PNMA2: variants seen among roughly 807,000 people sequenced by gnomAD.
PNMA2 encodes PNMA family member 2.
For missense variants in PNMA2, 455 were observed against 452.9 expected (o/e 1.00, Z -0.04); for synonymous variants, 175 against 183.5 (o/e 0.95, Z 0.38).
At position 26,508,409 on chromosome 8, in the gene PNMA2, G is replaced by A. The variant is rs768257360; in HGVS notation, c.347C>T (p.Thr116Met). 8.1e-6 allele frequency: 13 copies of A among 1,614,082 alleles called. No homozygotes were observed. In the South Asian group the frequency reaches 1.1e-4, roughly 14 times the overall value. ...LNLFLEKEGQ[T>M]VSGMFRALGQ... ...CAGGGCTCGAAACATACCCGAGACC[G>A]TCTGCCCCTCTTTTTCTAGAAACAG... is the stretch of plus-strand genomic sequence containing the variant. Residue 116 changes from threonine to methionine, a missense_variant, in exon 3 of 3, where the codon ACG becomes ATG. By Grantham distance (81) the Thr-to-Met change is moderately conservative. Coordinates refer to ENST00000522362, the MANE Select transcript of PNMA2 (RefSeq NM_007257.6). The surrounding 1 kb of genome is among the most constrained non-coding windows in gnomAD (Gnocchi z 5.5).
In PNMA2 at chr8:26,504,924, C is replaced by G. The variant is rs762450332; in HGVS notation, c.*2737G>C. The G allele has an allele frequency of 2.6e-5, 4 of 152,184 alleles. No homozygotes were observed. Among genetic ancestry groups the G allele is most frequent in the Admixed American group, 6.5e-5 (1 of 15,272 alleles). The allele number at this position is 152,184 out of a possible 1,614,324, so 9.4% of individuals were successfully genotyped here. A position where few individuals can be genotyped will look rare whatever the true frequency, so the allele number is the denominator to read the frequency against. On this transcript the variant is annotated 3_prime_UTR_variant, in exon 3 of 3. Transcript: ENST00000522362. ...TTAAAAAATGCTTTTCTTACAATCT[C>G]AGGATATTCTTCAGTTAAACTGAAC...
chr8:26,505,855 G>C lies in PNMA2; in HGVS notation c.*1806C>G, dbSNP rs901610157. ...AAAATACAAAAATTAGCTGGGCGTGGTGGTGGGTGCCTGTAATCCCAGCTA... is the reference window on the plus strand; with the variant it reads ...AAAATACAAAAATTAGCTGGGCGTGCTGGTGGGTGCCTGTAATCCCAGCTA... On this transcript the variant is annotated 3_prime_UTR_variant, in exon 3 of 3. Transcript: ENST00000522362. 6.6e-6 allele frequency: 1 copy of C among 152,170 alleles called. No homozygotes were observed. The highest frequency in any genetic ancestry group is 6.5e-5 in the Admixed American group (1 of 15,284). The allele number at this position is 152,170 out of a possible 1,614,324, so 9.4% of individuals were successfully genotyped here. A position where few individuals can be genotyped will look rare whatever the true frequency, so the allele number is the denominator to read the frequency against.
intron 1 of PNMA2, among the ~76,000 whole-genome samples, chr8:26,510,996 AC>A (rs1357120623): frequency 6.6e-6 from 1 of 152,084 alleles, no homozygotes; most frequent in Non-Finnish European, 1.5e-5. Flanking sequence ...TACCAAAAAT[AC>A]AAAAATTATC....
At chr8:26,513,340 C>T (rs188484682) in intron 1 of PNMA2, among the ~76,000 whole-genome samples, 1 of 151,986 alleles carries the variant, frequency 6.6e-6, no homozygotes, top group South Asian at 2.1e-4. Flanking sequence ...CTCTATATTC[C>T]TCTCCCATCT....
chr8:26,508,492 G>C lies in PNMA2; in HGVS notation c.264C>G (p.Val88=), dbSNP rs78228998. ...TAGGGGTCTTAAAGATCACCTTCCA[G>C]ACACCCCCCTTTCCCTGGACCTCAC... The part of the protein sequence containing the change: ...IPSEVQGKGG[V]WKVIFKTPNQ... The change falls in exon 3 of 3, where the codon GTC becomes GTG. Residue 88 remains valine, a synonymous_variant. Coordinates refer to ENST00000522362, the MANE Select transcript of PNMA2 (RefSeq NM_007257.6). This position sits in a 1 kb window ranked among gnomAD's most constrained non-coding sequence, Gnocchi z 5.5. The C allele has an allele frequency of 4.2e-5, 67 of 1,614,182 alleles. No homozygotes were observed. The African/African-American group carries it at 8.3e-4, about 20-fold the overall frequency.
In PNMA2 at chr8:26,507,826, G is replaced by T; in HGVS notation, c.930C>A (p.Cys310Ter). 1.2e-6 allele frequency: 2 copies of T among 1,613,688 alleles called. No individual in the cohort carries two copies. The highest frequency in any genetic ancestry group is 3.3e-4 in the Middle Eastern group (2 of 6,056). ...AGATLNQMLWCRLRELKDQGP... is the reference protein window; with the variant it reads ...AGATLNQMLW ...CCTGATCCTTCAGCTCCCTAAGCCG[G>T]CACCACAGCATCTGGTTAAGAGTGG... Residue 310 changes from cysteine to a stop codon, truncating the protein, a stop_gained, in exon 3 of 3, where the codon TGC (cysteine) becomes TGA (stop). Transcript: ENST00000522362. LOFTEE classifies it low-confidence loss of function (END_TRUNC).
chr8:26,510,191 G>T (rs1428560337), intron 1 of PNMA2, among the ~76,000 whole-genome samples: 2 of 152,044 alleles, frequency 1.3e-5, no homozygotes, highest in African/African-American at 4.8e-5. Flanking sequence ...AAAACAGACT[G>T]CCACCTCCCT....
rs1294797021 is a variant in PNMA2 at position 26,508,102 on chromosome 8, C to CATG, written c.651_653dup (p.Leu217_Met218insIle). 3.7e-6 allele frequency: 6 copies of CATG among 1,614,154 alleles called. No homozygotes were observed. In the African/African-American group the frequency reaches 8.0e-5, roughly 22 times the overall value. ...ACGGGTTGTCTGCCTGCACTATGTGCATGAGGTCCAGGGCAGGGCCCCGCA... is the reference window on the plus strand; with the variant it reads ...ACGGGTTGTCTGCCTGCACTATGTGCATGATGAGGTCCAGGGCAGGGCCCCGCA... On this transcript the variant is annotated inframe_insertion, in exon 3 of 3. Transcript: ENST00000522362. This position sits in a 1 kb window ranked among gnomAD's most constrained non-coding sequence, Gnocchi z 5.5.
In PNMA2 at chr8:26,508,161, C is replaced by CTGTT; in HGVS notation, c.591_594dup (p.Glu199AsnfsTer41). 1 of 1,614,224 alleles carries CTGTT rather than the reference C, an allele frequency of 6.2e-7. No individual in the cohort carries two copies. Among genetic ancestry groups the CTGTT allele is most frequent in the Non-Finnish European group, 8.5e-7 (1 of 1,180,036 alleles). The stretch of plus-strand genomic sequence containing the variant: ...GCCAGCCACCTTTTCTTTTCTGCCT[C>CTGTT]TGTTACTGGCCACTCTTTGACTATC... On this transcript the variant is annotated frameshift_variant, in exon 3 of 3. Transcript: ENST00000522362. LOFTEE classifies it low-confidence loss of function (END_TRUNC). The surrounding 1 kb of genome is among the most constrained non-coding windows in gnomAD (Gnocchi z 5.5).
intron 1 of PNMA2, chr8:26,511,833 T>TTA (rs1808160989): frequency 6.6e-6 from 1 of 152,074 alleles, no homozygotes; most frequent in East Asian, 1.9e-4. Flanking sequence ...ACTGGGATAT[T>TTA]TAGAGGAAAC....
chr8:26,511,022 C>T (rs563171784), intron 1 of PNMA2, among the ~76,000 whole-genome samples: 4 of 152,108 alleles, frequency 2.6e-5, no homozygotes, highest in East Asian at 3.9e-4. Flanking sequence ...TGTGGTGGCA[C>T]GTGCCTGTAA....
chr8:26,508,711 C>T lies in PNMA2; in HGVS notation c.45G>A (p.Val15=), dbSNP rs1333638755. ...TAACCATCAGTGACTTCTGCTCATC[C>T]ACACTCATTATCCTGCACCAGTCCT... ...LLEDWCRIMS[V]DEQKSLMVTG... is the part of the protein sequence containing the mutation. Residue 15 remains valine (V), a synonymous_variant, in exon 3 of 3, where the codon GTG becomes GTA. Coordinates refer to ENST00000522362, the MANE Select transcript of PNMA2 (RefSeq NM_007257.6). The surrounding 1 kb of genome is among the most constrained non-coding windows in gnomAD (Gnocchi z 5.5). 6.2e-7 allele frequency: 1 copy of T among 1,614,010 alleles called. No homozygotes were observed. Among genetic ancestry groups the T allele is most frequent in the Admixed American group, 1.7e-5 (1 of 60,008 alleles).
In PNMA2 at chr8:26,507,933, G is replaced by T; in HGVS notation, c.823C>A (p.Leu275Met). ...CGTTTCTCCACCGCTCTCCGGAGCAGGGTTTCTAGCCGTAACACATAGGCT... is the reference window on the plus strand; with the variant it reads ...CGTTTCTCCACCGCTCTCCGGAGCATGGTTTCTAGCCGTAACACATAGGCT... Reference protein sequence around the residue: ...VSAYVLRLETLLRRAVEKRAI... With the variant: ...VSAYVLRLETMLRRAVEKRAI... The change falls in exon 3 of 3, where the codon CTG becomes ATG. Residue 275 changes from leucine (L) to methionine (M), a missense_variant. Leu to Met is a conservative substitution (Grantham distance 15, BLOSUM62 2). Transcript: ENST00000522362. 1.2e-6 allele frequency: 2 copies of T among 1,614,176 alleles called. No individual in the cohort carries two copies. The highest frequency in any genetic ancestry group is 1.7e-6 in the Non-Finnish European group (2 of 1,180,054).
Position 26,507,620 on chromosome 8 carries a change from G to T in PNMA2, c.*41C>A, listed in dbSNP as rs972565064. ...CATTAAAGAAAAAAATTTTTTAAAG[G>T]TCTTAGCCCACTGGCTGTGGGTCCT... On this transcript the variant is annotated 3_prime_UTR_variant, in exon 3 of 3. Transcript: ENST00000522362. 1.3e-6 allele frequency: 2 copies of T among 1,515,364 alleles called. No individual in the cohort carries two copies. Among genetic ancestry groups the T allele is most frequent in the East Asian group, 2.3e-5 (1 of 44,042 alleles). The allele number at this position is 1,515,364 out of a possible 1,614,324, so 93.9% of individuals were successfully genotyped here.
Position 26,505,208 on chromosome 8 carries a change from T to C in PNMA2, c.*2453A>G, listed in dbSNP as rs1346653647. The C allele has an allele frequency of 6.5e-6, 1 of 154,218 alleles. No homozygotes were observed. Among genetic ancestry groups the C allele is most frequent in the African/African-American group, 2.4e-5 (1 of 41,558 alleles). The allele number at this position is 154,218 out of a possible 1,614,324, so 9.6% of individuals were successfully genotyped here. A position where few individuals can be genotyped will look rare whatever the true frequency, so the allele number is the denominator to read the frequency against. On this transcript the variant is annotated 3_prime_UTR_variant, in exon 3 of 3. Coordinates refer to ENST00000522362, the MANE Select transcript of PNMA2 (RefSeq NM_007257.6). ...TGAAAATCCTAAGAGCTTCAATGTA[T>C]TGAGGGCTTTCTGTGTTCCAGATGT...
rs539053501 is a variant in PNMA2 at position 26,509,896 on chromosome 8, C to T, written c.-618-219G>A. Among the ~76,000 whole-genome samples the T allele has an allele frequency of 5.2e-4, 79 of 152,236 alleles. No individual in the cohort carries two copies. The highest frequency in any genetic ancestry group is 1.7e-3 in the African/African-American group (72 of 41,524). ...AATTCAGGGAAAAAAATCTCAGGGC[C>T]GACTAAGTTAAATCGGGAATTATGA... On this transcript the variant is annotated intron_variant, in intron 1 of 2. Transcript: ENST00000522362. This position sits in a 1 kb window ranked among gnomAD's most constrained non-coding sequence, Gnocchi z 5.7.
In PNMA2 at chr8:26,513,838, G is replaced by T. The variant is rs1036748135; in HGVS notation, c.-641C>A. ...TACCCAGGCGCGGAGAGCGGTCAGCGGGCCCTCCGCTCCGCATCCATTAGC... is the reference window on the plus strand; with the variant it reads ...TACCCAGGCGCGGAGAGCGGTCAGCTGGCCCTCCGCTCCGCATCCATTAGC... On this transcript the variant is annotated 5_prime_UTR_variant, in exon 1 of 3. Coordinates refer to ENST00000522362, the MANE Select transcript of PNMA2 (RefSeq NM_007257.6). 3.3e-5 allele frequency: 5 copies of T among 152,838 alleles called. No homozygotes were observed. Among genetic ancestry groups the T allele is most frequent in the African/African-American group, 1.2e-4 (5 of 41,482 alleles). The allele number at this position is 152,838 out of a possible 1,614,324, so 9.5% of individuals were successfully genotyped here. A position where few individuals can be genotyped will look rare whatever the true frequency, so the allele number is the denominator to read the frequency against.
chr8:26,509,142 G>C lies in PNMA2; in HGVS notation c.-387C>G, dbSNP rs1233642856. 4.7e-5 allele frequency: 9 copies of C among 190,576 alleles called. No homozygotes were observed. Among genetic ancestry groups the C allele is most frequent in the Non-Finnish European group, 1.2e-5 (1 of 84,532 alleles). The allele number at this position is 190,576 out of a possible 1,614,324, so 11.8% of individuals were successfully genotyped here. A position where few individuals can be genotyped will look rare whatever the true frequency, so the allele number is the denominator to read the frequency against. On this transcript the variant is annotated 5_prime_UTR_variant, in exon 3 of 3. Transcript: ENST00000522362. This position sits in a 1 kb window ranked among gnomAD's most constrained non-coding sequence, Gnocchi z 5.7. ...ACAGCTGCTTTCTCCACAGCCTCCT[G>C]GTCTCTGATGTTTCGTCTCTCTCCA...
Position 26,508,268 on chromosome 8 carries a change from C to G in PNMA2, c.488G>C (p.Arg163Pro). The part of the protein sequence containing the change: ...APQPLLPMRY[R>P]KLRVFSGSAV... The stretch of plus-strand genomic sequence containing the variant: ...ACTCCCTGAGAATACTCGCAGTTTC[C>G]GGTATCTCATGGGTAGCAGGGGCTG... The change falls in exon 3 of 3, where the codon CGG becomes CCG. Residue 163 changes from arginine (R) to proline (P), a missense_variant. Physicochemically the swap from Arg to Pro is moderately radical, Grantham distance 103. Transcript: ENST00000522362. The surrounding 1 kb of genome is among the most constrained non-coding windows in gnomAD (Gnocchi z 5.5). 1 of 1,600,286 alleles carries G rather than the reference C, an allele frequency of 6.2e-7. No individual in the cohort carries two copies. The highest frequency in any genetic ancestry group is 1.1e-5 in the South Asian group (1 of 88,486).
Sources: gnomAD v4.1 joint callset for allele counts (sites outside exome capture counted in the v4.1 genomes callset) on GRCh38, gnomAD v4.1.1 for gene constraint, Gnocchi (gnomAD v3.1) non-coding constraint, MANE v1.5 for transcripts, NCBI Gene and HGNC (gene_info 2026-07-23, HGNC 2026-07-21) for gene names.